DNAJB4: variants seen among roughly 807,000 people sequenced by gnomAD.
The protein encoded by DNAJB4 is DnaJ heat shock protein family (Hsp40) member B4.
In DNAJB4, 10 loss-of-function variants were observed where a neutral mutation model predicts 26.6. The observed-to-expected ratio is 0.38, with a 90% CI of 0.23 to 0.64. The LOEUF (loss-of-function observed/expected upper bound fraction) is 0.64. Ranked by LOEUF, DNAJB4 falls within the 30% of genes least tolerant of loss-of-function variation. DNAJB4 has a pLI of 0.58. For missense variants in DNAJB4, 328 were observed against 408.2 expected (o/e 0.80, Z 1.69); for synonymous variants, 136 against 134.8 (o/e 1.01, Z -0.06).
intron 1 of DNAJB4, chr1:77,980,341 G>GTA (rs1659537689): frequency 1.3e-5 from 1 of 74,300 alleles, no homozygotes; most frequent in East Asian, 6.5e-4. Flanking sequence ...ATATATATAT[G>GTA]TGTGTGTGTG....
At chr1:77,998,704 G>A (rs1571434280) in intron 1 of DNAJB4, among the ~76,000 whole-genome samples, 1 of 152,050 alleles carries the variant, frequency 6.6e-6, no homozygotes, top group Non-Finnish European at 1.5e-5. Flanking sequence ...GCCAGGCATG[G>A]TGGCATGCCT....
chr1:78,005,588 A>G (rs1229021062), intron 1 of DNAJB4, among the ~76,000 whole-genome samples: 5 of 152,200 alleles, frequency 3.3e-5, no homozygotes, highest in Admixed American at 6.5e-5. Flanking sequence ...TTTTATCATT[A>G]GACTTACAAT....
intron 1 of DNAJB4, among the ~76,000 whole-genome samples, chr1:77,981,672 T>G (rs1407168638): frequency 6.6e-6 from 1 of 152,174 alleles, no homozygotes; most frequent in Non-Finnish European, 1.5e-5. Context: ...CAAAGGTTCT[T>G]TGTGAAAATA....
chr1:77,996,348 T>A (rs1338568074), intron 1 of DNAJB4, among the ~76,000 whole-genome samples: 1 of 152,018 alleles, frequency 6.6e-6, no homozygotes, highest in East Asian at 1.9e-4. Flanking sequence ...GGGATGGAAT[T>A]CTCACTTTGT....
At position 78,016,298 on chromosome 1, in the gene DNAJB4, G is replaced by A. The variant is rs776878131; in HGVS notation, c.*51G>A. On this transcript the variant is annotated 3_prime_UTR_variant, in exon 3 of 3. Coordinates refer to ENST00000370763, the MANE Select transcript of DNAJB4 (RefSeq NM_007034.5). ...TTGATAAGGCACTGAAAATATAAAAGGACTGGTAGTTTACTGATGTAGATG... is the reference window on the plus strand; with the variant it reads ...TTGATAAGGCACTGAAAATATAAAAAGACTGGTAGTTTACTGATGTAGATG... 5.4e-6 allele frequency: 8 copies of A among 1,472,314 alleles called. No homozygotes were observed. The highest frequency in any genetic ancestry group is 7.5e-6 in the Non-Finnish European group (8 of 1,064,354). The allele number at this position is 1,472,314 out of a possible 1,614,324, so 91.2% of individuals were successfully genotyped here.
intron 1 of DNAJB4, among the ~76,000 whole-genome samples, chr1:77,996,979 G>A (rs948658500): frequency 4.6e-5 from 7 of 152,160 alleles, no homozygotes; most frequent in Non-Finnish European, 8.8e-5. Context: ...GAGCCACAGC[G>A]CCTGGCCAGG....
chr1:78,003,783 G>T (rs1240643400), upstream of DNAJB4, among the ~76,000 whole-genome samples: 1 of 151,938 alleles, frequency 6.6e-6, no homozygotes, highest in East Asian at 1.9e-4. Flanking sequence ...GGCATCAAAA[G>T]GGTATATAAA....
At chr1:77,995,127 T>C (rs569023403) in intron 1 of DNAJB4, among the ~76,000 whole-genome samples, 37 of 152,310 alleles carry the variant, frequency 2.4e-4, no homozygotes, top group African/African-American at 7.0e-4. Flanking sequence ...ATTTCAAATA[T>C]TTAGTACAAA....
intron 1 of DNAJB4, among the ~76,000 whole-genome samples, chr1:78,010,981 A>T (rs80040254): frequency 0.01 from 1,538 of 152,306 alleles, 15 homozygotes; most frequent in Non-Finnish European, 0.017. Context: ...CCTGCCTTCA[A>T]ATCACTCACT....
At chr1:77,997,293 C>G (rs1385383793) in intron 1 of DNAJB4, among the ~76,000 whole-genome samples, 1 of 123,002 alleles carries the variant, frequency 8.1e-6, no homozygotes, top group Non-Finnish European at 1.6e-5. Context: ...GCCTGGGAGA[C>G]ATAGTGAGAA....
At chr1:78,007,763 T>C (rs1660367643) in intron 1 of DNAJB4, among the ~76,000 whole-genome samples, 1 of 152,206 alleles carries the variant, frequency 6.6e-6, no homozygotes, top group Non-Finnish European at 1.5e-5. Flanking sequence ...ACATTTTTTC[T>C]CTTTGCCTTT....
chr1:77,988,029 A>C (rs1477769294), intron 1 of DNAJB4, among the ~76,000 whole-genome samples: 2 of 116,798 alleles, frequency 1.7e-5, no homozygotes, highest in East Asian at 2.9e-4. Flanking sequence ...GTGTGTGTGT[A>C]TTTCCCCCCC....
At chr1:77,983,130 G>A (rs1447604181) in intron 1 of DNAJB4, among the ~76,000 whole-genome samples, 1 of 152,170 alleles carries the variant, frequency 6.6e-6, no homozygotes, top group East Asian at 1.9e-4. Flanking sequence ...GCAGACACGT[G>A]AACAAAGGTC....
upstream of DNAJB4, among the ~76,000 whole-genome samples, chr1:78,000,992 C>A (rs1443601340): frequency 1.3e-5 from 2 of 148,394 alleles, no homozygotes; most frequent in Non-Finnish European, 3.0e-5. Context: ...GACCCTGTCT[C>A]AAAAAAAAAA....
intron 1 of DNAJB4, chr1:77,980,339 A>ATATATGTGTG (rs1477495217): frequency 6.3e-5 from 8 of 126,132 alleles, no homozygotes; most frequent in African/African-American, 2.7e-4. Flanking sequence ...ATATATATAT[A>ATATATGTGTG]TGTGTGTGTG....
intron 1 of DNAJB4, among the ~76,000 whole-genome samples, chr1:78,009,991 G>C (rs370500305): frequency 6.6e-6 from 1 of 152,100 alleles, no homozygotes; most frequent in South Asian, 2.1e-4. Context: ...CTGTTTAATA[G>C]TGTCTAGGAA....
chr1:77,987,657 A>T (rs1271930951), intron 1 of DNAJB4, among the ~76,000 whole-genome samples: 1 of 152,074 alleles, frequency 6.6e-6, no homozygotes, highest in East Asian at 1.9e-4. Context: ...TGTTTGCTGA[A>T]GTTGAAAAAC....
At chr1:77,987,590 A>T (rs1235201866) in intron 1 of DNAJB4, among the ~76,000 whole-genome samples, 1 of 151,734 alleles carries the variant, frequency 6.6e-6, no homozygotes, top group Non-Finnish European at 1.5e-5. Context: ...CCAATATTGA[A>T]CTCCTCAGTT....
chr1:77,995,910 C>T (rs2102597106), intron 1 of DNAJB4, among the ~76,000 whole-genome samples: 1 of 152,308 alleles, frequency 6.6e-6, no homozygotes, highest in South Asian at 2.1e-4. Flanking sequence ...TGTGCCATTG[C>T]ACTCCAGCCT....
Sources: gnomAD v4.1 joint callset for allele counts (sites outside exome capture counted in the v4.1 genomes callset) on GRCh38, gnomAD v4.1.1 for gene constraint, MANE v1.5 for transcripts, NCBI Gene and HGNC (gene_info 2026-07-23, HGNC 2026-07-21) for gene names.